The following PANX1 variants were observed in gnomAD, a reference collection of about 807,000 sequenced individuals.
PANX1 encodes pannexin-1.
PANX1 carries 30 observed loss-of-function variants against 38.7 expected under a neutral mutation model. The observed-to-expected ratio is 0.78, with a 90% confidence interval of 0.58 to 1.05. The LOEUF is 1.05. PANX1 is among the 50% of genes least tolerant of loss of function. The pLI is 0.00. For missense variants in PANX1, 551 were observed against 517.2 expected (o/e 1.07, Z -0.63); for synonymous variants, 230 against 212.2 (o/e 1.08, Z -0.73).
intron 1 of PANX1, among the ~76,000 whole-genome samples, chr11:94,150,063 A>G: frequency 6.6e-6 from 1 of 152,118 alleles, no homozygotes; most frequent in East Asian, 1.9e-4. Flanking sequence ...GTGGGGGAGG[A>G]AGCTTTGTGA....
intron 1 of PANX1, among the ~76,000 whole-genome samples, chr11:94,144,133 TC>T (rs1478650608): frequency 6.6e-6 from 1 of 152,088 alleles, no homozygotes; most frequent in Non-Finnish European, 1.5e-5. Context: ...TTCTAACCCT[TC>T]TTCTACTTGA....
intron 2 of PANX1, among the ~76,000 whole-genome samples, chr11:94,161,174 A>T (rs1396027425): frequency 6.6e-6 from 1 of 151,916 alleles, no homozygotes; most frequent in Non-Finnish European, 1.5e-5. Flanking sequence ...CCTTCATTTC[A>T]ACTTTGGTGA....
intron 1 of PANX1, among the ~76,000 whole-genome samples, chr11:94,135,972 T>C (rs935044231): frequency 2.6e-5 from 4 of 152,198 alleles, no homozygotes; most frequent in African/African-American, 7.2e-5. Context: ...GCTTAGAATA[T>C]ACTTACAATT....
At chr11:94,158,131 GT>G (rs1565379183) in intron 2 of PANX1, among the ~76,000 whole-genome samples, 1 of 152,212 alleles carries the variant, frequency 6.6e-6, no homozygotes, top group Non-Finnish European at 1.5e-5. Context: ...GTACCATGCT[GT>G]TTTGGTTACT....
rs1591527722 is a variant in PANX1, at chr11:94,178,302, C to T, written c.322-67C>T. The T allele has an allele frequency of 2.5e-6, 3 of 1,189,746 alleles. No individual in the cohort carries two copies. In the East Asian group the frequency reaches 7.0e-5, roughly 28 times the overall value. The allele number at this position is 1,189,746 out of a possible 1,614,324, so 73.7% of individuals were successfully genotyped here. Reference sequence around the variant, plus strand: ...TCAAGATGTGAGAAAATGAGAGCATCACTTGGCGCCATAGGTTACTGCATG... The same window carrying T: ...TCAAGATGTGAGAAAATGAGAGCATTACTTGGCGCCATAGGTTACTGCATG... On this transcript the variant is annotated intron_variant, in intron 2 of 4. Transcript: ENST00000227638.
chr11:94,150,266 T>G (rs1243521495), intron 1 of PANX1, among the ~76,000 whole-genome samples: 1 of 152,176 alleles, frequency 6.6e-6, no homozygotes, highest in African/African-American at 2.4e-5. Context: ...AGCATTGATT[T>G]GGATTTGTAA....
chr11:94,165,790 A>C (rs1462230308), intron 2 of PANX1, among the ~76,000 whole-genome samples: 1 of 152,152 alleles, frequency 6.6e-6, no homozygotes, highest in African/African-American at 2.4e-5. Flanking sequence ...CATGCCTGTA[A>C]TCCCAGCTAC....
chr11:94,170,095 G>A (rs989258112), intron 2 of PANX1, among the ~76,000 whole-genome samples: 1 of 151,370 alleles, frequency 6.6e-6, no homozygotes, highest in East Asian at 1.9e-4. Flanking sequence ...CTCTTTGTAG[G>A]TATATAGCCC....
intron 1 of PANX1, among the ~76,000 whole-genome samples, chr11:94,142,487 G>T (rs1946774815): frequency 6.6e-6 from 1 of 152,186 alleles, no homozygotes; most frequent in African/African-American, 2.4e-5. Context: ...ACAGTGGTCT[G>T]CTTCCTGTCT....
chr11:94,168,613 C>T (rs1947129418), intron 2 of PANX1, among the ~76,000 whole-genome samples: 1 of 151,154 alleles, frequency 6.6e-6, no homozygotes, highest in Admixed American at 6.6e-5. Flanking sequence ...ACATCAAGGG[C>T]CTAGACCAGG....
At position 94,153,573 on chromosome 11, in the gene PANX1, TCAG is replaced by T; in HGVS notation, c.268_270del (p.Gln90del). Reference sequence around the variant, plus strand: ...TGGATTCATATTGCTGGGCGGCTGTTCAGCAGAAGAACTCACTGCAGAGCGAGT... The same window carrying T: ...TGGATTCATATTGCTGGGCGGCTGTTCAGAAGAACTCACTGCAGAGCGAGT... On this transcript the variant is annotated inframe_deletion, in exon 2 of 5. Transcript: ENST00000227638. 6.2e-7 allele frequency: 1 copy of T among 1,614,066 alleles called. No individual in the cohort carries two copies. Among genetic ancestry groups the T allele is most frequent in the Non-Finnish European group, 8.5e-7 (1 of 1,179,948 alleles).
At chr11:94,136,723 G>C (rs1013868017) in intron 1 of PANX1, among the ~76,000 whole-genome samples, 2 of 151,820 alleles carry the variant, frequency 1.3e-5, no homozygotes, top group African/African-American at 4.8e-5. Context: ...AGCCGAGATC[G>C]CGCCACTGCA....
intron 1 of PANX1, among the ~76,000 whole-genome samples, chr11:94,130,246 C>G (rs748897211): frequency 9.2e-5 from 14 of 152,066 alleles, no homozygotes; most frequent in Non-Finnish European, 1.3e-4. Flanking sequence ...GGGTTAAATA[C>G]AGTTCTGTGG....
chr11:94,171,369 A>G (rs764776439), intron 2 of PANX1, among the ~76,000 whole-genome samples: 4 of 151,784 alleles, frequency 2.6e-5, no homozygotes, highest in Admixed American at 1.3e-4. Flanking sequence ...ATATCTTGCC[A>G]TAATTCTGCT....
intron 2 of PANX1, among the ~76,000 whole-genome samples, chr11:94,154,797 C>T (rs1454738743): frequency 6.6e-6 from 1 of 152,206 alleles, no homozygotes; most frequent in Non-Finnish European, 1.5e-5. Flanking sequence ...ATAACATAAA[C>T]AGTCAATTAA....
intron 1 of PANX1, among the ~76,000 whole-genome samples, chr11:94,142,407 G>A (rs1001634740): frequency 6.6e-6 from 1 of 152,094 alleles, no homozygotes; most frequent in African/African-American, 2.4e-5. Flanking sequence ...ATAAATTTAA[G>A]TCTGGACTTC....
rs75891980 is a variant in PANX1 at position 94,146,666 on chromosome 11, G to A, written c.182-6825G>A. On this transcript the variant is annotated intron_variant, in intron 1 of 4. Transcript: ENST00000227638. ...GGATTGGAGTTTGGAGAAACAATCA[G>A]ACAGACCCAAAATGAAGAGCATTGC... is the stretch of plus-strand genomic sequence containing the variant. Among the ~76,000 whole-genome samples the A allele has an allele frequency of 8.0e-3, 1,220 of 152,316 alleles. 7 individuals carry two copies. The highest frequency in any genetic ancestry group is 0.013 in the Non-Finnish European group (867 of 68,028).
chr11:94,175,845 C>T (rs534429522), intron 2 of PANX1: 1 of 984,750 alleles, frequency 1.0e-6, no homozygotes, highest in Non-Finnish European at 1.2e-6. Flanking sequence ...ACTTTTGAAA[C>T]ACCTCATCCC....
chr11:94,151,983 C>T (rs1944945827), intron 1 of PANX1, among the ~76,000 whole-genome samples: 1 of 152,172 alleles, frequency 6.6e-6, no homozygotes. Flanking sequence ...CTGAAAACAT[C>T]TCCATCACTT....
Sources: allele counts gnomAD v4.1 joint callset (sites outside exome capture counted in the v4.1 genomes callset), GRCh38; gene constraint gnomAD v4.1.1; transcripts MANE v1.5; gene names NCBI Gene and HGNC (gene_info 2026-07-23, HGNC 2026-07-21).